TGM6: variants seen among roughly 807,000 people sequenced by gnomAD.
The protein encoded by TGM6 is protein-glutamine gamma-glutamyltransferase 6.
In TGM6, 74 loss-of-function variants were observed where a neutral mutation model predicts 77.5. The ratio of observed to expected loss-of-function variants is 0.96; its 90% confidence interval spans 0.79 to 1.16. The LOEUF is 1.16. Among genes scored for constraint, TGM6 ranks in the 50% most tolerant of loss-of-function variants. The pLI, the probability that TGM6 is intolerant of heterozygous loss-of-function variation, is 0.00. For synonymous variants in TGM6, 383 were observed against 378.9 expected, an observed-to-expected ratio of 1.01 and a Z score of -0.12; for missense variants, 968 against 940.2, an observed-to-expected ratio of 1.03 and a Z score of -0.39.
chr20:2,426,791 T>C (rs1481017495), intron 10 of TGM6, among the ~76,000 whole-genome samples: 1 of 152,190 alleles, frequency 6.6e-6, no homozygotes, highest in East Asian at 1.9e-4. Flanking sequence ...TTTTTCCTGT[T>C]GATTTGATGG....
chr20:2,388,392 G>A (rs1385975528), intron 1 of TGM6, among the ~76,000 whole-genome samples: 1 of 152,168 alleles, frequency 6.6e-6, no homozygotes, highest in African/African-American at 2.4e-5. Flanking sequence ...TGACTCCTAT[G>A]GGGTCAAAGA....
At chr20:2,407,854 A>G (rs993054000) in intron 9 of TGM6, among the ~76,000 whole-genome samples, 1 of 152,162 alleles carries the variant, frequency 6.6e-6, no homozygotes, top group African/African-American at 2.4e-5. Flanking sequence ...AGTGTCAGGC[A>G]TGATTCAGAG....
intron 3 of TGM6, among the ~76,000 whole-genome samples, chr20:2,396,221 G>A (rs184433382): frequency 6.6e-6 from 1 of 151,756 alleles, no homozygotes; most frequent in East Asian, 1.9e-4. Flanking sequence ...AAAAAAGAAG[G>A]AAATATGAGA....
rs201333931 is a variant in TGM6 at position 2,400,406 on chromosome 20, C to T, written c.951C>T (p.Phe317=). The part of the protein sequence containing the change: ...NLSVDKYVDS[F]GRTLEDLTED... ...GTGTGGACAAATACGTGGACTCCTT[C>T]GGGCGGACCCTGGAGGACCTGACAG... Residue 317 remains phenylalanine, a synonymous_variant, in exon 7 of 13, where the codon TTC becomes TTT. Coordinates refer to ENST00000202625, the MANE Select transcript of TGM6 (RefSeq NM_198994.3). The T allele has an allele frequency of 1.9e-4, 306 of 1,614,176 alleles. No individual in the cohort carries two copies. The highest frequency in any genetic ancestry group is 2.5e-4 in the Non-Finnish European group (292 of 1,180,034).
At chr20:2,403,911 C>A in intron 9 of TGM6, 88 bp downstream of exon 9, 1 of 1,606,100 alleles carries the variant, frequency 6.2e-7, no homozygotes, top group Non-Finnish European at 8.5e-7. Flanking sequence ...GGAGCCAGGC[C>A]TCACCCCATG....
chr20:2,403,608 T>G lies in TGM6; in HGVS notation c.1121T>G (p.Val374Gly), dbSNP rs1477230680. 6.2e-7 allele frequency: 1 copy of G among 1,614,138 alleles called. No homozygotes were observed. Among genetic ancestry groups the G allele is most frequent in the Non-Finnish European group, 8.5e-7 (1 of 1,180,024 alleles). Residue 374 changes from valine to glycine, a missense_variant, in exon 9 of 13, where the codon GTC becomes GGC. Physicochemically the swap from Val to Gly is moderately radical, Grantham distance 109 (BLOSUM62 -3). Transcript: ENST00000202625. ...EGVFRCGPAS[V>G]TAIREGDVHL... ...GTGTTCCGGTGCGGCCCAGCCTCAG[T>G]CACCGCCATCCGCGAGGGTGATGTG...
intron 3 of TGM6, 48 bp from the exon 4 acceptor site, chr20:2,396,458 G>A: frequency 6.3e-7 from 1 of 1,590,040 alleles, no homozygotes; most frequent in Non-Finnish European, 8.6e-7. Context: ...CCCCAGGCCA[G>A]CAAGGCCAGA....
chr20:2,384,619 A>G (rs2084581919), intron 1 of TGM6, among the ~76,000 whole-genome samples: 1 of 152,150 alleles, frequency 6.6e-6, no homozygotes, highest in African/African-American at 2.4e-5. Context: ...TCACCAGGAG[A>G]CTGAGTTTCA....
intron 10 of TGM6, among the ~76,000 whole-genome samples, chr20:2,428,271 C>G (rs1424218733): frequency 6.6e-6 from 1 of 152,052 alleles, no homozygotes; most frequent in South Asian, 2.1e-4. Context: ...CTATTGAGAA[C>G]CATTGTTCTA....
intron 1 of TGM6, among the ~76,000 whole-genome samples, chr20:2,391,693 C>A (rs1315454840): frequency 3.9e-5 from 6 of 152,210 alleles, no homozygotes; most frequent in African/African-American, 1.4e-4. Context: ...CACCAGATAT[C>A]TAATCAATCT....
At chr20:2,413,047 A>G (rs960414965) in intron 9 of TGM6, among the ~76,000 whole-genome samples, 6 of 152,222 alleles carry the variant, frequency 3.9e-5, no homozygotes, top group African/African-American at 1.2e-4. Context: ...TCATTTGGAA[A>G]CACAAGGGAA....
At position 2,403,484 on chromosome 20, in the gene TGM6, C is replaced by T. The variant is rs2084726060; in HGVS notation, c.1077C>T (p.Pro359=). 1.2e-6 allele frequency: 2 copies of T among 1,614,146 alleles called. No individual in the cohort carries two copies. Among genetic ancestry groups the T allele is most frequent in the Non-Finnish European group, 1.7e-6 (2 of 1,180,024 alleles). Residue 359 remains proline (P), a synonymous_variant, in exon 8 of 13, where the codon CCC becomes CCT. Coordinates refer to ENST00000202625, the MANE Select transcript of TGM6 (RefSeq NM_198994.3). ...GCTGGCAGGTTCTGGATGCCACCCC[C>T]CAGGAGGAGAGTGAAGGTACGCTCA... ...YNGWQVLDAT[P]QEESEGVFRC...
intron 1 of TGM6, among the ~76,000 whole-genome samples, chr20:2,382,296 C>T (rs772202206): frequency 8.5e-5 from 13 of 152,180 alleles, no homozygotes; most frequent in Non-Finnish European, 1.6e-4. Flanking sequence ...AACACCAGCT[C>T]ACAGCCCAGA....
At chr20:2,400,234 G>T (rs939180397) in intron 6 of TGM6, 72 bp from the exon 7 acceptor site, 1 of 1,605,184 alleles carries the variant, frequency 6.2e-7, no homozygotes, top group Non-Finnish European at 8.5e-7. Flanking sequence ...GAGCCAGGGC[G>T]CCTGCTGTGG....
In TGM6 at chr20:2,397,807, G is replaced by A. The variant is rs552529082; in HGVS notation, c.544-111G>A. The A allele has an allele frequency of 5.1e-6, 8 of 1,576,840 alleles. No individual in the cohort carries two copies. In the East Asian group the frequency reaches 1.1e-4, roughly 22 times the overall value. ...GTGATGCCCCTGGTGGTTGGAGGGG[G>A]CAGCAAACTGCCCTGCACAGATGGG... On this transcript the variant is annotated intron_variant, in intron 4 of 12. Transcript: ENST00000202625.
Position 2,406,492 on chromosome 20 carries a change from CA to C in TGM6, c.1336+2684del, listed in dbSNP as rs10626077. On this transcript the variant is annotated intron_variant, in intron 9 of 12. Coordinates refer to ENST00000202625, the MANE Select transcript of TGM6 (RefSeq NM_198994.3). ...TGGGCAACACAGTGAGACCCTGTCT[CA>C]AAAAAAAAAAAAAAGTACATGAGGT... Among the ~76,000 whole-genome samples, 891 of 130,982 alleles carry C rather than the reference CA, an allele frequency of 6.8e-3. 7 individuals are homozygous for C. Among genetic ancestry groups the C allele is most frequent in the Non-Finnish European group, 0.01 (633 of 61,484 alleles). 85.9% of individuals were successfully genotyped at this position (130,982 alleles called of 152,430 possible).
At chr20:2,394,672 C>A (rs1440920113) in intron 2 of TGM6, 47 bp downstream of exon 2, 3 of 1,560,840 alleles carry the variant, frequency 1.9e-6, no homozygotes, top group South Asian at 1.2e-5. Flanking sequence ...GCTGGAGGGA[C>A]CTGTCTTATG....
chr20:2,403,488 G>A lies in TGM6; in HGVS notation c.1081G>A (p.Glu361Lys), dbSNP rs1426887482. 6.2e-7 allele frequency: 1 copy of A among 1,614,150 alleles called. No individual in the cohort carries two copies. The highest frequency in any genetic ancestry group is 1.7e-5 in the Admixed American group (1 of 60,012). ...GCAGGTTCTGGATGCCACCCCCCAG[G>A]AGGAGAGTGAAGGTACGCTCAATTG... is the stretch of plus-strand genomic sequence containing the variant. ...GWQVLDATPQEESEGVFRCGP... is the reference protein window; with the variant it reads ...GWQVLDATPQKESEGVFRCGP... Residue 361 changes from glutamate (E) to lysine (K), a missense_variant, in exon 8 of 13, where the codon GAG becomes AAG. Glu to Lys is a moderately conservative substitution (Grantham distance 56). Coordinates refer to ENST00000202625, the MANE Select transcript of TGM6 (RefSeq NM_198994.3).
At chr20:2,427,028 T>C (rs2084892497) in intron 10 of TGM6, among the ~76,000 whole-genome samples, 1 of 152,208 alleles carries the variant, frequency 6.6e-6, no homozygotes, top group Non-Finnish European at 1.5e-5. Flanking sequence ...AATCAGGAAG[T>C]ATTTCTCTGC....
Sources: allele counts gnomAD v4.1 joint callset (sites outside exome capture counted in the v4.1 genomes callset), GRCh38; gene constraint gnomAD v4.1.1; transcripts MANE v1.5; gene names NCBI Gene and HGNC (gene_info 2026-07-23, HGNC 2026-07-21).